Variants in LRP1B observed in about 807,000 individuals in gnomAD.
The protein encoded by LRP1B is low-density lipoprotein receptor-related protein 1B.
LRP1B carries 217 observed loss-of-function variants against 556.6 expected under a neutral mutation model. That is an observed-to-expected ratio of 0.39 (90% CI 0.35 to 0.44). LRP1B has a LOEUF of 0.44. Among genes scored for constraint, LRP1B ranks in the 20% least tolerant of loss-of-function variants. The probability of loss-of-function intolerance (pLI) is 1.00; values close to 1 mark genes in which losing one functional copy is unlikely to be tolerated. For missense variants in LRP1B, 5,053 were observed against 5,620.8 expected, an observed-to-expected ratio of 0.90 and a Z score of 3.23; for synonymous variants, 2,047 against 1,865.8, an observed-to-expected ratio of 1.10 and a Z score of -2.50.
At chr2:140,245,500 C>A (rs1452767204) in intron 87 of LRP1B, among the ~76,000 whole-genome samples, 5 of 151,308 alleles carry the variant, frequency 3.3e-5, no homozygotes, top group African/African-American at 1.2e-4. Context: ...TATATTCGAT[C>A]ATTGAGAAAC....
chr2:140,469,284 G>A (rs1449329240), intron 60 of LRP1B, among the ~76,000 whole-genome samples: 2 of 152,082 alleles, frequency 1.3e-5, no homozygotes, highest in African/African-American at 4.8e-5. Flanking sequence ...ACTCAAAGGA[G>A]CTCACTAGCC....
At chr2:141,008,492 T>A (rs1296466935) in intron 14 of LRP1B, among the ~76,000 whole-genome samples, 1 of 151,504 alleles carries the variant, frequency 6.6e-6, no homozygotes. Flanking sequence ...AACTTATTTA[T>A]ATATAAAATA....
intron 3 of LRP1B, among the ~76,000 whole-genome samples, chr2:141,258,778 A>G (rs1406438337): frequency 6.6e-6 from 1 of 151,154 alleles, no homozygotes; most frequent in Non-Finnish European, 1.5e-5. Flanking sequence ...TTGCCCCTTC[A>G]CTCTCTCTTC....
intron 1 of LRP1B, among the ~76,000 whole-genome samples, chr2:141,968,428 A>G (rs927214398): frequency 6.0e-5 from 9 of 150,832 alleles, no homozygotes; most frequent in African/African-American, 1.9e-4. Flanking sequence ...AAATTCCTTC[A>G]TTTTTTTTGC....
chr2:140,409,405 A>G (rs1464151827), intron 66 of LRP1B, among the ~76,000 whole-genome samples: 1 of 152,032 alleles, frequency 6.6e-6, no homozygotes, highest in Non-Finnish European at 1.5e-5. Context: ...GGAAGTAAAT[A>G]ATTTTTTTGA....
At chr2:141,531,526 A>T (rs1319245187) in intron 2 of LRP1B, among the ~76,000 whole-genome samples, 3 of 152,126 alleles carry the variant, frequency 2.0e-5, no homozygotes, top group African/African-American at 7.2e-5. Context: ...TTGTAATATT[A>T]TTGCGTTACA....
chr2:140,860,210 A>G (rs1476935881), intron 27 of LRP1B, among the ~76,000 whole-genome samples: 1 of 152,138 alleles, frequency 6.6e-6, no homozygotes, highest in Non-Finnish European at 1.5e-5. Context: ...TCGTTCATTC[A>G]TGGGCCAATT....
chr2:140,675,952 A>G (rs767988508), intron 41 of LRP1B, among the ~76,000 whole-genome samples: 1 of 132,778 alleles, frequency 7.5e-6, no homozygotes, highest in Non-Finnish European at 1.7e-5. Flanking sequence ...GATACAAGTT[A>G]GCATTATTGA....
At chr2:141,371,403 C>T (rs1046250574) in intron 3 of LRP1B, among the ~76,000 whole-genome samples, 44 of 152,004 alleles carry the variant, frequency 2.9e-4, no homozygotes, top group Non-Finnish European at 1.8e-4. Context: ...TTTTCTAAAT[C>T]TGTGAAAAAT....
chr2:141,334,093 G>A (rs757880572), intron 3 of LRP1B, among the ~76,000 whole-genome samples: 2 of 152,256 alleles, frequency 1.3e-5, no homozygotes, highest in East Asian at 3.9e-4. Flanking sequence ...ATATATTTCT[G>A]TCTATCTGTA....
intron 2 of LRP1B, among the ~76,000 whole-genome samples, chr2:141,583,479 A>G (rs149417108): frequency 1.3e-3 from 205 of 152,228 alleles, no homozygotes; most frequent in African/African-American, 4.8e-3. Flanking sequence ...AAAATAACAG[A>G]TCTAAGAGGA....
chr2:141,186,796 C>T lies in LRP1B; in HGVS notation c.1013+1625G>A, dbSNP rs1268188446. On this transcript the variant is annotated intron_variant, in intron 7 of 90. Transcript: ENST00000389484. ...CAGGGAGAAACAGGAAACCTGAGAA[C>T]AGAAAGTATATTGTTGTTCAGAAAG... Among the ~76,000 whole-genome samples the T allele has an allele frequency of 2.0e-5, 3 of 151,892 alleles. No homozygotes were observed. The East Asian group carries it at 5.8e-4, about 30-fold the overall frequency.
intron 1 of LRP1B, among the ~76,000 whole-genome samples, chr2:141,984,227 T>C (rs1702122436): frequency 6.6e-6 from 1 of 152,170 alleles, no homozygotes; most frequent in Non-Finnish European, 1.5e-5. Context: ...GTTACATGTG[T>C]ATACATGTGC....
chr2:142,035,039 G>T (rs1333572289), intron 1 of LRP1B, among the ~76,000 whole-genome samples: 1 of 151,586 alleles, frequency 6.6e-6, no homozygotes, highest in African/African-American at 2.4e-5. Flanking sequence ...AATGGGTAGG[G>T]TATACTGTAC....
At chr2:141,061,900 GA>G (rs1699346800) in intron 8 of LRP1B, 150 bp downstream of exon 8, 1 of 635,374 alleles carries the variant, frequency 1.6e-6, no homozygotes, top group African/African-American at 1.8e-5. Context: ...ATATCACTGT[GA>G]AAAGAACATT....
At chr2:141,581,672 C>A (rs925974248) in intron 2 of LRP1B, among the ~76,000 whole-genome samples, 3 of 152,058 alleles carry the variant, frequency 2.0e-5, no homozygotes, top group Non-Finnish European at 4.4e-5. Context: ...ATGCTTCAAC[C>A]CTTCAAGGAG....
At chr2:141,110,943 G>C (rs1700735540) in intron 7 of LRP1B, among the ~76,000 whole-genome samples, 1 of 152,110 alleles carries the variant, frequency 6.6e-6, no homozygotes, top group Non-Finnish European at 1.5e-5. Context: ...CATTTTAAAA[G>C]TTTACATATC....
chr2:141,987,122 A>G (rs531876722), intron 1 of LRP1B, among the ~76,000 whole-genome samples: 1 of 149,204 alleles, frequency 6.7e-6, no homozygotes, highest in Non-Finnish European at 1.5e-5. Context: ...CTCCAGCATG[A>G]AACATCTATT....
chr2:140,508,428 A>G (rs776103800), intron 52 of LRP1B, among the ~76,000 whole-genome samples: 7 of 152,196 alleles, frequency 4.6e-5, no homozygotes, highest in Non-Finnish European at 1.0e-4. Context: ...CCCAGGCTCC[A>G]TGAACAAATA....
Sources: gnomAD v4.1 joint callset for allele counts (sites outside exome capture counted in the v4.1 genomes callset) on GRCh38, gnomAD v4.1.1 for gene constraint, MANE v1.5 for transcripts, NCBI Gene and HGNC (gene_info 2026-07-23, HGNC 2026-07-21) for gene names.